Variants in COX11 observed in about 807,000 individuals in gnomAD.
COX11 encodes cytochrome c oxidase assembly protein COX11, mitochondrial.
Under a neutral mutation model 29.4 loss-of-function variants are expected in COX11, and 18 were observed. The observed-to-expected ratio is 0.61, with a 90% confidence interval of 0.42 to 0.91. The LOEUF is 0.91. Among genes scored for constraint, COX11 ranks in the 40% least tolerant of loss-of-function variants. The probability of loss-of-function intolerance (pLI) is 0.00; values close to 1 mark genes in which losing one functional copy is unlikely to be tolerated. For synonymous variants in COX11, 131 were observed against 124.0 expected (o/e 1.06, Z -0.38); for missense variants, 312 against 346.0 (o/e 0.90, Z 0.78).
intron 1 of COX11, 36 bp downstream of exon 1, chr17:54,968,245 C>T: frequency 6.3e-7 from 1 of 1,593,660 alleles, no homozygotes; most frequent in Non-Finnish European, 8.5e-7. Flanking sequence ...CCACCTCTCG[C>T]GTCTGCGCCA....
At chr17:54,955,557 T>A (rs2049457174), downstream of COX11, among the ~76,000 whole-genome samples, 1 of 152,164 alleles carries the variant, frequency 6.6e-6, no homozygotes, top group African/African-American at 2.4e-5. Flanking sequence ...AGACTTCATA[T>A]TCATTCAGGC....
chr17:54,957,522 G>A (rs570523429), downstream of COX11: 13 of 152,262 alleles, frequency 8.5e-5, no homozygotes, highest in African/African-American at 1.4e-4. Flanking sequence ...AGATACTGGC[G>A]GTGGGAGAGA....
rs546127969 is a variant in COX11, at chr17:54,963,509, T to C, written c.523-78A>G. The C allele has an allele frequency of 7.0e-6, 10 of 1,418,948 alleles. No homozygotes were observed. The South Asian group carries it at 1.1e-4, about 15-fold the overall frequency. 87.9% of individuals were successfully genotyped at this position (1,418,948 alleles called of 1,614,324 possible). ...CTTTTCCCTGCTAAATTAGTCTCATTATTTTGCCTATTCATCAGACCATAA... is the reference window on the plus strand; with the variant it reads ...CTTTTCCCTGCTAAATTAGTCTCATCATTTTGCCTATTCATCAGACCATAA... On this transcript the variant is annotated intron_variant, in intron 2 of 3. Coordinates refer to ENST00000299335, the MANE Select transcript of COX11 (RefSeq NM_004375.5).
chr17:54,961,313 C>T lies in COX11; in HGVS notation c.*1420G>A, dbSNP rs1446406242. 6.4e-7 allele frequency: 1 copy of T among 1,551,428 alleles called. No homozygotes were observed. The highest frequency in any genetic ancestry group is 2.4e-5 in the East Asian group (1 of 40,910). On this transcript the variant is annotated 3_prime_UTR_variant, in exon 4 of 4. Coordinates refer to ENST00000299335, the MANE Select transcript of COX11 (RefSeq NM_004375.5). ...CGTAGACTCTGTGCAGCTTTGAAGC[C>T]TGGAAGACAATACCTACCAACATGT...
chr17:54,957,933 A>C (rs1238653979), downstream of COX11: 1 of 152,242 alleles, frequency 6.6e-6, no homozygotes, highest in Non-Finnish European at 1.5e-5. Flanking sequence ...AATTTGTGTT[A>C]ATGTTATGAA....
chr17:54,955,473 C>T (rs1284628812), downstream of COX11, among the ~76,000 whole-genome samples: 1 of 152,338 alleles, frequency 6.6e-6, no homozygotes, highest in East Asian at 1.9e-4. Flanking sequence ...AAACTAACAG[C>T]AGTCCTTCTG....
intron 2 of COX11, 58 bp downstream of exon 2, chr17:54,964,639 T>G (rs1567856476): frequency 1.3e-6 from 2 of 1,503,342 alleles, no homozygotes; most frequent in African/African-American, 1.4e-5. Context: ...GTTTAAGTGA[T>G]GAAAGAAAGG....
Position 54,961,623 on chromosome 17 carries a change from T to C in COX11, c.*1110A>G. 5 of 1,113,232 alleles carry C rather than the reference T, an allele frequency of 4.5e-6. No homozygotes were observed. The highest frequency in any genetic ancestry group is 5.5e-6 in the Non-Finnish European group (5 of 911,926). 69.0% of individuals were successfully genotyped at this position (1,113,232 alleles called of 1,614,324 possible). A position where few individuals can be genotyped will look rare whatever the true frequency, so the allele number is the denominator to read the frequency against. ...ATTCTGAATAGATGAAAGCATAAAA[T>C]GTGAGAAACTGAATGTATTATTCAG... On this transcript the variant is annotated 3_prime_UTR_variant, in exon 4 of 4. Transcript: ENST00000299335.
chr17:54,960,640 A>G lies in COX11; in HGVS notation c.*2093T>C. 1 of 1,562,440 alleles carries G rather than the reference A, an allele frequency of 6.4e-7. No homozygotes were observed. Among genetic ancestry groups the G allele is most frequent in the Non-Finnish European group, 8.8e-7 (1 of 1,133,952 alleles). ...GATGGTGACTGAGGTAAAGACTTCA[A>G]CTTATACAACTTAATTCCATATTCC... On this transcript the variant is annotated 3_prime_UTR_variant, in exon 4 of 4. Transcript: ENST00000299335.
At chr17:54,954,866 A>G (rs538253688) in exon 1 of COX11, 5 of 152,296 alleles carry the variant, frequency 3.3e-5, no homozygotes, top group East Asian at 1.9e-4. Flanking sequence ...CCCATTTACC[A>G]TGTTTCTTGC....
downstream of COX11, chr17:54,959,227 T>G (rs1044710757): frequency 5.9e-5 from 9 of 152,182 alleles, no homozygotes; most frequent in Non-Finnish European, 8.8e-5. Flanking sequence ...ATTTTTGAGA[T>G]TTTTCCTCAG....
intron 2 of COX11, 187 bp downstream of exon 2, chr17:54,964,510 C>T (rs1318155255): frequency 1.6e-6 from 1 of 607,602 alleles, no homozygotes; most frequent in African/African-American, 1.9e-5. Context: ...GTGCTTTACA[C>T]CTAATGTAAC....
Position 54,968,391 on chromosome 17 carries a change from C to G in COX11, c.256G>C (p.Glu86Gln). ...GTCTTGTTCTGCCGCCGCCGCTCCT[C>G]CTCCTGCGCGCGTGTGAAAGGGTTC... Reference protein sequence around the residue: ...SSNPFTRAQEEERRRQNKTTL... With the variant: ...SSNPFTRAQEQERRRQNKTTL... The change falls in exon 1 of 4, where the codon GAG becomes CAG. Residue 86 changes from glutamate to glutamine, a missense_variant. By Grantham distance (29) the Glu-to-Gln change is conservative (BLOSUM62 2). Around this residue, in one of 2 missense-constraint regions of COX11, gnomAD observed 182 missense variants for 240.0 expected, o/e 0.76. Transcript: ENST00000299335. 6.2e-7 allele frequency: 1 copy of G among 1,613,330 alleles called. No homozygotes were observed. The highest frequency in any genetic ancestry group is 8.5e-7 in the Non-Finnish European group (1 of 1,179,986).
downstream of COX11, among the ~76,000 whole-genome samples, chr17:54,960,248 C>A (rs60736080): frequency 0.29 from 44,599 of 151,810 alleles, 6,870 homozygotes; most frequent in African/African-American, 0.35. Flanking sequence ...CCCTGTAATC[C>A]CAGCTACTCG....
intron 3 of COX11, 165 bp downstream of exon 3, chr17:54,963,141 G>A: frequency 1.2e-6 from 1 of 839,474 alleles, no homozygotes; most frequent in Non-Finnish European, 1.8e-6. Context: ...CATTTGGTTT[G>A]GTTCTCAATC....
downstream of COX11, among the ~76,000 whole-genome samples, chr17:54,956,475 T>C (rs1380796608): frequency 6.6e-6 from 1 of 152,124 alleles, no homozygotes; most frequent in African/African-American, 2.4e-5. Flanking sequence ...CTGGCTAATT[T>C]TTTTGTATAT....
At chr17:54,967,054 A>G (rs916146607) in intron 1 of COX11, among the ~76,000 whole-genome samples, 10 of 91,380 alleles carry the variant, frequency 1.1e-4, no homozygotes, top group East Asian at 7.2e-4. Context: ...ACACACACAC[A>G]CACACACACA....
At position 54,964,789 on chromosome 17, in the gene COX11, G is replaced by A; in HGVS notation, c.430C>T (p.Pro144Ser). The change falls in exon 2 of 4, where the codon CCT becomes TCT. Residue 144 changes from proline to serine, a missense_variant. By Grantham distance (74) the Pro-to-Ser change is moderately conservative (BLOSUM62 -1). Transcript: ENST00000299335. ...ATTTTAATGATTCGATCTTTAACAG[G>A]CACCATGTTTTCAATCTTGTCTGAG... ...HASDKIENMV[P>S]VKDRIIKISF... 6.2e-7 allele frequency: 1 copy of A among 1,613,678 alleles called. No homozygotes were observed. Among genetic ancestry groups the A allele is most frequent in the Non-Finnish European group, 8.5e-7 (1 of 1,179,884 alleles).
chr17:54,960,700 TAGTA>T lies in COX11; in HGVS notation c.*2029_*2032del. 8.2e-7 allele frequency: 1 copy of T among 1,220,088 alleles called. No homozygotes were observed. 75.6% of individuals were successfully genotyped at this position (1,220,088 alleles called of 1,614,324 possible). The stretch of plus-strand genomic sequence containing the variant: ...CAGTATAATTATCACTTTACATATT[TAGTA>T]TTTAAATTTTCTAAGGGCCATCTGA... On this transcript the variant is annotated 3_prime_UTR_variant, in exon 4 of 4. Transcript: ENST00000299335.
Sources: gnomAD v4.1 joint callset for allele counts (sites outside exome capture counted in the v4.1 genomes callset) on GRCh38, gnomAD v4.1.1 for gene constraint, gnomAD v4.1.1 regional missense constraint, MANE v1.5 for transcripts, NCBI Gene and HGNC (gene_info 2026-07-23, HGNC 2026-07-21) for gene names.